The following CCDC148 variants were observed in gnomAD, a reference collection of about 807,000 sequenced individuals.
CCDC148 encodes coiled-coil domain-containing protein 148.
CCDC148 carries 89 observed loss-of-function variants against 85.7 expected under a neutral mutation model. That is an observed-to-expected ratio of 1.04 (90% CI 0.87 to 1.24). The LOEUF (loss-of-function observed/expected upper bound fraction) is 1.24, where lower values mean the gene tolerates loss of function less well. Among genes scored for constraint, CCDC148 ranks in the 50% most tolerant of loss-of-function variants. The probability of loss-of-function intolerance (pLI) is 0.00; values close to 1 mark genes in which losing one functional copy is unlikely to be tolerated. For synonymous variants in CCDC148, 230 were observed against 213.9 expected, an observed-to-expected ratio of 1.08 and a Z score of -0.66; for missense variants, 692 against 671.7, an observed-to-expected ratio of 1.03 and a Z score of -0.33.
At chr2:158,419,558 A>G (rs1047439196) in intron 1 of CCDC148, among the ~76,000 whole-genome samples, 2 of 152,182 alleles carry the variant, frequency 1.3e-5, no homozygotes, top group Non-Finnish European at 2.9e-5. Context: ...TCAATTTTTT[A>G]ATTTGTAAAA....
intron 10 of CCDC148, among the ~76,000 whole-genome samples, chr2:158,238,556 C>T (rs1297367574): frequency 6.6e-6 from 1 of 152,164 alleles, no homozygotes; most frequent in Admixed American, 6.6e-5. Context: ...TGTCTTGATA[C>T]TTCAACTATG....
At chr2:158,183,604 A>G (rs1685012166) in intron 11 of CCDC148, among the ~76,000 whole-genome samples, 1 of 152,160 alleles carries the variant, frequency 6.6e-6, no homozygotes, top group Non-Finnish European at 1.5e-5. Flanking sequence ...AATAAAATGG[A>G]GCATAAAGAC....
chr2:158,358,481 T>C lies in CCDC148; in HGVS notation c.115A>G (p.Lys39Glu), dbSNP rs545732710. The change falls in exon 2 of 14, where the codon AAG becomes GAG. Residue 39 changes from lysine (K) to glutamate (E), a missense_variant. Coordinates refer to ENST00000283233, the MANE Select transcript of CCDC148 (RefSeq NM_138803.4). ...YQQLRALTEA[K>E]KLASASAKLK... ...TTTGCAGAGGCAGAAGCCAATTTCT[T>C]TGCTTCAGTTAATGCACGCAATTGT... 1.6e-5 allele frequency: 26 copies of C among 1,608,000 alleles called. No individual in the cohort carries two copies. The African/African-American group carries it at 3.3e-4, about 21-fold the overall frequency.
chr2:158,402,558 C>G (rs1332580687), intron 1 of CCDC148, among the ~76,000 whole-genome samples: 1 of 151,996 alleles, frequency 6.6e-6, no homozygotes, highest in Non-Finnish European at 1.5e-5. Flanking sequence ...AATTCCATCA[C>G]CATTACTCTA....
In CCDC148 at chr2:158,339,061, T is replaced by G. The variant is rs1166719340; in HGVS notation, c.511A>C (p.Lys171Gln). The G allele has an allele frequency of 6.2e-7, 1 of 1,613,812 alleles. No homozygotes were observed. Among genetic ancestry groups the G allele is most frequent in the Middle Eastern group, 1.7e-4 (1 of 6,058 alleles). Reference sequence around the variant, plus strand: ...AGCCTAAGTCTTTCAAAGACAGTTTTCAATTGTTTCTTCACAAAGTCAACC... The same window carrying G: ...AGCCTAAGTCTTTCAAAGACAGTTTGCAATTGTTTCTTCACAAAGTCAACC... ...EEVDFVKKQL[K>Q]TVFERLRLEQ... Residue 171 changes from lysine to glutamine, a missense_variant, in exon 6 of 14, where the codon AAA becomes CAA. Lys to Gln is a moderately conservative substitution (Grantham distance 53, BLOSUM62 1). Coordinates refer to ENST00000283233, the MANE Select transcript of CCDC148 (RefSeq NM_138803.4).
chr2:158,341,557 C>T (rs867004303), intron 3 of CCDC148, among the ~76,000 whole-genome samples: 4 of 152,022 alleles, frequency 2.6e-5, no homozygotes, highest in Non-Finnish European at 5.9e-5. Context: ...TCAGGTGATC[C>T]GCCCACCTTG....
chr2:158,299,009 C>T (rs966194703), intron 9 of CCDC148, among the ~76,000 whole-genome samples: 1 of 152,162 alleles, frequency 6.6e-6, no homozygotes, highest in African/African-American at 2.4e-5. Flanking sequence ...GTCAGGAAGG[C>T]ACTTAAGTTG....
intron 7 of CCDC148, among the ~76,000 whole-genome samples, chr2:158,331,557 A>T (rs1187124745): frequency 2.0e-5 from 3 of 151,972 alleles, no homozygotes; most frequent in Non-Finnish European, 4.4e-5. Context: ...AATCCTGGGT[A>T]TTCTTGTTGA....
At chr2:158,365,188 A>T (rs554109456) in intron 1 of CCDC148, among the ~76,000 whole-genome samples, 31 of 152,320 alleles carry the variant, frequency 2.0e-4, no homozygotes, top group African/African-American at 7.5e-4. Context: ...AGAAATAGGA[A>T]TGCTTTTACA....
At chr2:158,207,468 T>C (rs527821914) in intron 11 of CCDC148, 33 of 152,354 alleles carry the variant, frequency 2.2e-4, no homozygotes, top group African/African-American at 7.9e-4. Context: ...ATAAAATTTC[T>C]GTTTCCCATC....
chr2:158,414,862 A>C (rs181136910), intron 1 of CCDC148, among the ~76,000 whole-genome samples: 2 of 152,278 alleles, frequency 1.3e-5, no homozygotes, highest in African/African-American at 4.8e-5. Context: ...CTAAGGAAAA[A>C]TAGGTACATC....
intron 7 of CCDC148, among the ~76,000 whole-genome samples, chr2:158,316,695 A>G (rs1327846733): frequency 6.6e-6 from 1 of 152,220 alleles, no homozygotes; most frequent in African/African-American, 2.4e-5. Flanking sequence ...ATATTCACAT[A>G]GGCAGTAATA....
chr2:158,223,766 G>C (rs1254076061), intron 10 of CCDC148, among the ~76,000 whole-genome samples: 1 of 152,188 alleles, frequency 6.6e-6, no homozygotes, highest in African/African-American at 2.4e-5. Context: ...GGTGCTGACT[G>C]TTAGAAGGAA....
chr2:158,440,156 ACAGCACCCAGCCTAAAAT>A (rs1559147214), intron 1 of CCDC148, among the ~76,000 whole-genome samples: 4 of 152,166 alleles, frequency 2.6e-5, no homozygotes, highest in Non-Finnish European at 5.9e-5. Flanking sequence ...GGTGTGAGGC[ACAGCACCCAGCCTAAAAT>A]TTAAATGTTG....
At chr2:158,311,236 G>A (rs1056628974) in intron 8 of CCDC148, among the ~76,000 whole-genome samples, 16 of 152,252 alleles carry the variant, frequency 1.1e-4, no homozygotes, top group African/African-American at 3.6e-4. Flanking sequence ...TCGGGAGGCC[G>A]AGGTGGGCAG....
intron 10 of CCDC148, among the ~76,000 whole-genome samples, chr2:158,233,878 A>G (rs190425486): frequency 9.9e-5 from 15 of 152,196 alleles, no homozygotes; most frequent in Non-Finnish European, 2.9e-5. Context: ...TAAGTTTCTG[A>G]ATAAAAAATT....
In CCDC148 at chr2:158,314,322, T is replaced by C. The variant is rs1692182072; in HGVS notation, c.765-428A>G. Among the ~76,000 whole-genome samples the C allele has an allele frequency of 2.0e-5, 3 of 152,214 alleles. No individual in the cohort carries two copies. The South Asian group carries it at 6.2e-4, about 32-fold the overall frequency. ...TAAATGTAGACAGTTAAATGAGCAA[T>C]TATGTAACGGAAAATAAAGACAGAC... On this transcript the variant is annotated intron_variant, in intron 7 of 13. Coordinates refer to ENST00000283233, the MANE Select transcript of CCDC148 (RefSeq NM_138803.4).
At chr2:158,357,091 A>AG (rs997707446) in intron 2 of CCDC148, among the ~76,000 whole-genome samples, 1 of 96,704 alleles carries the variant, frequency 1.0e-5, no homozygotes, top group African/African-American at 3.9e-5. Flanking sequence ...GGGTTGGGGG[A>AG]GGGGGGAGGG....
intron 9 of CCDC148, among the ~76,000 whole-genome samples, chr2:158,294,065 C>CTTCT (rs1691050978): frequency 7.3e-6 from 1 of 136,486 alleles, no homozygotes; most frequent in African/African-American, 2.7e-5. Flanking sequence ...TCCTTCCTTC[C>CTTCT]GCCTTGGAAA....
Sources: gnomAD v4.1 joint callset for allele counts (sites outside exome capture counted in the v4.1 genomes callset) on GRCh38, gnomAD v4.1.1 for gene constraint, MANE v1.5 for transcripts, NCBI Gene and HGNC (gene_info 2026-07-23, HGNC 2026-07-21) for gene names.